HERC1: variants seen among roughly 807,000 people sequenced by gnomAD.
HERC1 encodes HECT and RLD domain containing E3 ubiquitin protein ligase family member 1.
A neutral mutation model predicts 554.3 loss-of-function variants in HERC1; 160 were observed. The ratio of observed to expected loss-of-function variants is 0.29; its 90% confidence interval spans 0.25 to 0.33. The LOEUF (loss-of-function observed/expected upper bound fraction) is 0.33, where lower values mean the gene tolerates loss of function less well. HERC1 is among the 10% of genes least tolerant of loss of function. The pLI, the probability that HERC1 is intolerant of heterozygous loss-of-function variation, is 1.00. For missense variants in HERC1, 4,919 were observed against 5,918.5 expected (o/e 0.83, Z 5.54); for synonymous variants, 2,175 against 2,131.7 (o/e 1.02, Z -0.56).
intron 1 of HERC1, among the ~76,000 whole-genome samples, chr15:63,829,277 C>T (rs567026129): frequency 1.6e-3 from 242 of 151,342 alleles, no homozygotes; most frequent in Non-Finnish European, 2.0e-3. Flanking sequence ...AAAAAATCAG[C>T]GGGGCATGGT....
At position 63,706,775 on chromosome 15, in the gene HERC1, CT is replaced by C; in HGVS notation, c.4636+4del. 2 of 1,521,152 alleles carry C rather than the reference CT, an allele frequency of 1.3e-6. No homozygotes were observed. The highest frequency in any genetic ancestry group is 1.8e-6 in the Non-Finnish European group (2 of 1,121,946). The allele number at this position is 1,521,152 out of a possible 1,614,324, so 94.2% of individuals were successfully genotyped here. A position where few individuals can be genotyped will look rare whatever the true frequency, so the allele number is the denominator to read the frequency against. On this transcript the variant is annotated splice_donor_region_variant and intron_variant, in intron 25 of 77. Transcript: ENST00000443617. Reference sequence around the variant, plus strand: ...ATTTACTATGTTCTTAATACTTACACTTACCTCTCTTTCTGTGAGATGCTGC... The same window carrying C: ...ATTTACTATGTTCTTAATACTTACACTACCTCTCTTTCTGTGAGATGCTGC...
intron 55 of HERC1, 46 bp from the exon 56 acceptor site, chr15:63,645,728 C>G: frequency 9.0e-7 from 1 of 1,106,860 alleles, no homozygotes; most frequent in Non-Finnish European, 1.3e-6. Context: ...ATGTTTCCTT[C>G]ACAAATACTT....
chr15:63,770,387 C>T (rs951105050), intron 2 of HERC1, among the ~76,000 whole-genome samples: 1 of 152,210 alleles, frequency 6.6e-6, no homozygotes, highest in African/African-American at 2.4e-5. Context: ...TTTGAAATGT[C>T]TGTGCATCCC....
intron 1 of HERC1, among the ~76,000 whole-genome samples, chr15:63,833,520 G>A (rs1048710470): frequency 6.6e-6 from 1 of 152,094 alleles, no homozygotes; most frequent in African/African-American, 2.4e-5. Context: ...GTAAGCCGCT[G>A]GAGGGGCGGG....
chr15:63,766,866 G>C (rs1359041639), intron 2 of HERC1, among the ~76,000 whole-genome samples: 1 of 151,526 alleles, frequency 6.6e-6, no homozygotes, highest in African/African-American at 2.4e-5. Flanking sequence ...TAGCAGAGAA[G>C]AGGTTTCTCC....
intron 1 of HERC1, among the ~76,000 whole-genome samples, chr15:63,824,368 C>G (rs142272241): frequency 6.6e-6 from 1 of 151,884 alleles, no homozygotes; most frequent in Admixed American, 6.6e-5. Flanking sequence ...CCCATCTCTA[C>G]TAAAAATACA....
In HERC1 at chr15:63,741,488, T is replaced by C. The variant is rs547643439; in HGVS notation, c.2520+5430A>G. Reference sequence around the variant, plus strand: ...CCACTACACCCGGCTAATTTTTTGTTATTTAGTAGATACGGGGTTTCACCA... The same window carrying C: ...CCACTACACCCGGCTAATTTTTTGTCATTTAGTAGATACGGGGTTTCACCA... On this transcript the variant is annotated intron_variant, in intron 12 of 77. Transcript: ENST00000443617. 1.4e-3 allele frequency among the ~76,000 whole-genome samples: 218 copies of C among 152,178 alleles called. 1 individual carries two copies. Among genetic ancestry groups the C allele is most frequent in the Non-Finnish European group, 2.4e-3 (162 of 68,006 alleles).
chr15:63,714,791 C>T (rs2073472405), intron 22 of HERC1, among the ~76,000 whole-genome samples: 1 of 152,124 alleles, frequency 6.6e-6, no homozygotes, highest in Middle Eastern at 3.4e-3. Context: ...TCGTGATCCG[C>T]CTGCCTCGGC....
At position 63,662,885 on chromosome 15, in the gene HERC1, T is replaced by C. The variant is rs1298544302; in HGVS notation, c.8901+99A>G. Reference sequence around the variant, plus strand: ...CCTCAGGATGAGATAAAAGACTTTTTAGAGTGTTTCAACTCTAGGCAAGGC... The same window carrying C: ...CCTCAGGATGAGATAAAAGACTTTTCAGAGTGTTTCAACTCTAGGCAAGGC... On this transcript the variant is annotated intron_variant, in intron 44 of 77. Transcript: ENST00000443617. 2.4e-5 allele frequency: 20 copies of C among 848,084 alleles called. No individual in the cohort carries two copies. The East Asian group carries it at 5.0e-4, about 21-fold the overall frequency. The allele number at this position is 848,084 out of a possible 1,614,324, so 52.5% of individuals were successfully genotyped here.
rs192272170 is a variant in HERC1 at position 63,693,275 on chromosome 15, G to A, written c.5674+689C>T. Among the ~76,000 whole-genome samples the A allele has an allele frequency of 1.2e-3, 176 of 148,072 alleles. 1 individual carries two copies. The highest frequency in any genetic ancestry group is 4.3e-3 in the African/African-American group (171 of 40,064). ...TTTTTTTTTTTTGAGACAGGCTCTC[G>A]CTCTGTCATCCAGGCTAAAGTGCAG... is the stretch of plus-strand genomic sequence containing the variant. On this transcript the variant is annotated intron_variant, in intron 30 of 77. Transcript: ENST00000443617.
chr15:63,787,479 A>T (rs755490831), intron 1 of HERC1, among the ~76,000 whole-genome samples: 18 of 152,310 alleles, frequency 1.2e-4, no homozygotes, highest in South Asian at 4.1e-4. Flanking sequence ...AAATTAAAAA[A>T]ATATATCTGG....
chr15:63,699,497 T>C (rs999178447), intron 25 of HERC1, among the ~76,000 whole-genome samples: 10 of 152,078 alleles, frequency 6.6e-5, no homozygotes, highest in African/African-American at 1.7e-4. Flanking sequence ...AAAATGAATA[T>C]AGAAGGGCAA....
rs149298022 is a variant in HERC1, at chr15:63,702,213, G to A, written c.4637-3217C>T. On this transcript the variant is annotated intron_variant, in intron 25 of 77. Transcript: ENST00000443617. Reference sequence around the variant, plus strand: ...AAAAGGAGTAAATACACTACCACACGAGAATCAGAAAACAAAAGGAGAAAT... The same window carrying A: ...AAAAGGAGTAAATACACTACCACACAAGAATCAGAAAACAAAAGGAGAAAT... Among the ~76,000 whole-genome samples the A allele has an allele frequency of 2.6e-3, 399 of 152,038 alleles. 4 individuals carry two copies. Among genetic ancestry groups the A allele is most frequent in the African/African-American group, 8.4e-3 (349 of 41,454 alleles).
At chr15:63,736,938 C>T (rs1228831715) in intron 12 of HERC1, among the ~76,000 whole-genome samples, 1 of 151,482 alleles carries the variant, frequency 6.6e-6, no homozygotes, top group Middle Eastern at 3.2e-3. Flanking sequence ...TGATTGGCTT[C>T]GAAGCCAAAG....
intron 19 of HERC1, among the ~76,000 whole-genome samples, chr15:63,722,224 AGTACTTTACCATG>A (rs1294874503): frequency 1.3e-5 from 2 of 152,200 alleles, no homozygotes; most frequent in Admixed American, 1.3e-4. Context: ...AAACTTGCAT[AGTACTTTACCATG>A]GTACTTAATA....
intron 22 of HERC1, among the ~76,000 whole-genome samples, chr15:63,715,446 T>C (rs1024072399): frequency 3.3e-5 from 5 of 152,250 alleles, no homozygotes; most frequent in Admixed American, 6.5e-5. Context: ...ATTATTTTCC[T>C]TCCCCATCTC....
chr15:63,831,533 A>G (rs894007672), intron 1 of HERC1, among the ~76,000 whole-genome samples: 15 of 152,194 alleles, frequency 9.9e-5, no homozygotes, highest in Admixed American at 3.9e-4. Context: ...TTATCCTAAC[A>G]CAACCTTCTC....
chr15:63,618,033 G>C (rs1467014404), intron 74 of HERC1, among the ~76,000 whole-genome samples: 9 of 151,998 alleles, frequency 5.9e-5, no homozygotes, highest in Admixed American at 5.2e-4. Context: ...GTCAATTTTG[G>C]CTTTTGTTGC....
At chr15:63,618,267 T>C (rs920207943) in intron 74 of HERC1, among the ~76,000 whole-genome samples, 1 of 152,170 alleles carries the variant, frequency 6.6e-6, no homozygotes, top group African/African-American at 2.4e-5. Context: ...TAGGGAATCC[T>C]TTCCCCATTT....
Sources: gnomAD v4.1 joint callset for allele counts (sites outside exome capture counted in the v4.1 genomes callset) on GRCh38, gnomAD v4.1.1 for gene constraint, MANE v1.5 for transcripts, NCBI Gene and HGNC (gene_info 2026-07-23, HGNC 2026-07-21) for gene names.